MYO10: variants seen among roughly 807,000 people sequenced by gnomAD.
The protein encoded by MYO10 is unconventional myosin-X.
A neutral mutation model predicts 257.3 loss-of-function variants in MYO10; 133 were observed. The ratio of observed to expected loss-of-function variants is 0.52; its 90% confidence interval spans 0.45 to 0.60. The LOEUF is 0.60. Among genes scored for constraint, MYO10 ranks in the 20% least tolerant of loss-of-function variants. The pLI is 0.00. For synonymous variants in MYO10, 1,104 were observed against 1,028.6 expected (o/e 1.07, Z -1.40); for missense variants, 2,399 against 2,635.7 (o/e 0.91, Z 1.97).
chr5:16,804,841 G>C (rs1187056781), intron 3 of MYO10, among the ~76,000 whole-genome samples: 1 of 152,074 alleles, frequency 6.6e-6, no homozygotes, highest in African/African-American at 2.4e-5. Context: ...CCTGAGCCTG[G>C]GGAGGTCAAG....
At chr5:16,928,251 G>A (rs975744502) in intron 1 of MYO10, among the ~76,000 whole-genome samples, 5 of 151,952 alleles carry the variant, frequency 3.3e-5, no homozygotes, top group African/African-American at 1.2e-4. Context: ...TGTCACCCAG[G>A]CTGGAGTGCA....
At chr5:16,777,927 C>A (rs1741272101) in intron 9 of MYO10, among the ~76,000 whole-genome samples, 1 of 142,152 alleles carries the variant, frequency 7.0e-6, no homozygotes, top group Non-Finnish European at 1.5e-5. Context: ...CAGCTCACTG[C>A]AACCTCCGCC....
chr5:16,835,492 G>GTTTTTTT lies in MYO10; in HGVS notation c.121-17332_121-17326dup, dbSNP rs1554001242. On this transcript the variant is annotated intron_variant, in intron 2 of 40. Coordinates refer to ENST00000513610, the MANE Select transcript of MYO10 (RefSeq NM_012334.3). Reference sequence around the variant, plus strand: ...GATCACACCAAAGTCATTTTTGGCTGTTTTTTTTTTTTTTTTTTTTTTTGG... The same window carrying GTTTTTTT: ...GATCACACCAAAGTCATTTTTGGCTGTTTTTTTTTTTTTTTTTTTTTTTTTTTTTTGG... Among the ~76,000 whole-genome samples the GTTTTTTT allele has an allele frequency of 2.6e-3, 210 of 81,052 alleles. 5 individuals carry two copies. The highest frequency in any genetic ancestry group is 3.5e-3 in the South Asian group (7 of 1,986). 53.2% of individuals were successfully genotyped at this position (81,052 alleles called of 152,430 possible).
chr5:16,670,912 G>A lies in MYO10; in HGVS notation c.5497C>T (p.Leu1833=). Residue 1833 remains leucine (L), a synonymous_variant, in exon 39 of 41, where the codon CTG becomes TTG. Transcript: ENST00000513610. ...TCCCCCTGCAGATACTGGAGTCGCA[G>A]GGCAGCAAGAACCTGGAGGTTTTCT... is the stretch of plus-strand genomic sequence containing the variant. ...PEENLQVLAA[L]RLQYLQGDYT... is the part of the protein sequence containing the mutation. 6.2e-7 allele frequency: 1 copy of A among 1,613,922 alleles called. No homozygotes were observed. Among genetic ancestry groups the A allele is most frequent in the Admixed American group, 1.7e-5 (1 of 60,016 alleles).
At chr5:16,796,462 A>C (rs1484958415) in intron 3 of MYO10, among the ~76,000 whole-genome samples, 1 of 96,516 alleles carries the variant, frequency 1.0e-5, no homozygotes, top group African/African-American at 3.8e-5. Flanking sequence ...GAAAGAAAGA[A>C]AGAAAGAAAA....
rs143783313 is a variant in MYO10, at chr5:16,903,235, T to C, written c.22-25528A>G. On this transcript the variant is annotated intron_variant, in intron 1 of 40. Coordinates refer to ENST00000513610, the MANE Select transcript of MYO10 (RefSeq NM_012334.3). ...GCCTGACCAACATGGTGAAACCCTGTCTCTACTAAAAATACATAAATTAGC... is the reference window on the plus strand; with the variant it reads ...GCCTGACCAACATGGTGAAACCCTGCCTCTACTAAAAATACATAAATTAGC... Among the ~76,000 whole-genome samples, 152 of 152,322 alleles carry C rather than the reference T, an allele frequency of 1.0e-3. 2 individuals are homozygous for C. In the East Asian group the frequency reaches 0.025, roughly 25 times the overall value.
At position 16,672,845 on chromosome 5, in the gene MYO10, G is replaced by C. The variant is rs535142414; in HGVS notation, c.5173-20C>G. On this transcript the variant is annotated intron_variant, in intron 36 of 40. Coordinates refer to ENST00000513610, the MANE Select transcript of MYO10 (RefSeq NM_012334.3). ...CACCACCTGGAAGACACACCAGGGG[G>C]ACTTCAGTTCCACAGGCTGCGGCCC... The C allele has an allele frequency of 6.2e-6, 10 of 1,610,028 alleles. No individual in the cohort carries two copies. Among genetic ancestry groups the C allele is most frequent in the Middle Eastern group, 1.7e-4 (1 of 6,012 alleles).
chr5:16,833,998 T>C (rs1743234003), intron 2 of MYO10, among the ~76,000 whole-genome samples: 1 of 152,176 alleles, frequency 6.6e-6, no homozygotes, highest in Admixed American at 6.5e-5. Flanking sequence ...AATTATTTAA[T>C]GTGGTTTCTC....
At chr5:16,772,141 T>G (rs956032726) in intron 9 of MYO10, among the ~76,000 whole-genome samples, 4 of 152,052 alleles carry the variant, frequency 2.6e-5, no homozygotes, top group Non-Finnish European at 4.4e-5. Context: ...CATACTTTTT[T>G]TTTTTTTTGA....
rs1047293908 is a variant in MYO10, at chr5:16,762,747, T to A, written c.1495-110A>T. ...GGGAAGCCAAGATGGGCAGATCATTTGAGGTCAGGAGTTCCAGACCAGCCT... is the reference window on the plus strand; with the variant it reads ...GGGAAGCCAAGATGGGCAGATCATTAGAGGTCAGGAGTTCCAGACCAGCCT... On this transcript the variant is annotated intron_variant, in intron 14 of 40. Coordinates refer to ENST00000513610, the MANE Select transcript of MYO10 (RefSeq NM_012334.3). 4.4e-5 allele frequency: 33 copies of A among 742,234 alleles called. No homozygotes were observed. In the Admixed American group the frequency reaches 5.7e-4, roughly 13 times the overall value. The allele number at this position is 742,234 out of a possible 1,614,324, so 46.0% of individuals were successfully genotyped here. A position where few individuals can be genotyped will look rare whatever the true frequency, so the allele number is the denominator to read the frequency against.
chr5:16,781,923 A>G, intron 5 of MYO10, 94 bp from the exon 6 acceptor site: 3 of 1,461,604 alleles, frequency 2.1e-6, no homozygotes, highest in Non-Finnish European at 2.8e-6. Flanking sequence ...ATACAACTGC[A>G]AGAAAAATCT....
At chr5:16,732,579 C>T (rs903052397) in intron 19 of MYO10, among the ~76,000 whole-genome samples, 1 of 152,174 alleles carries the variant, frequency 6.6e-6, no homozygotes, top group Non-Finnish European at 1.5e-5. Flanking sequence ...AGCTGTCTCT[C>T]TTTGTAGATG....
intron 1 of MYO10, among the ~76,000 whole-genome samples, chr5:16,895,673 T>TCCATCCATCTCCCTCCCACC (rs1745195072): frequency 6.7e-6 from 1 of 150,092 alleles, no homozygotes; most frequent in African/African-American, 2.5e-5. Context: ...AGCATCCCCA[T>TCCATCCATCTCCCTCCCACC]CCATCCATCT....
At chr5:16,922,631 G>C (rs557576502) in intron 1 of MYO10, among the ~76,000 whole-genome samples, 1 of 152,150 alleles carries the variant, frequency 6.6e-6, no homozygotes, top group African/African-American at 2.4e-5. Context: ...CATGGTCACC[G>C]TCTTCAGGAT....
chr5:16,871,480 G>C (rs1031274750), intron 2 of MYO10, among the ~76,000 whole-genome samples: 5 of 152,126 alleles, frequency 3.3e-5, no homozygotes, highest in African/African-American at 1.2e-4. Context: ...GGTGGCATGT[G>C]CCCGTGGTCC....
intron 28 of MYO10, 65 bp from the exon 29 acceptor site, chr5:16,685,896 C>G: frequency 8.2e-7 from 1 of 1,223,024 alleles, no homozygotes; most frequent in Non-Finnish European, 1.2e-6. Context: ...CAATAGTGCC[C>G]TACTGCACGT....
intron 4 of MYO10, among the ~76,000 whole-genome samples, chr5:16,793,176 C>T (rs1300240468): frequency 1.3e-5 from 2 of 152,214 alleles, no homozygotes; most frequent in African/African-American, 4.8e-5. Context: ...GACTGACATG[C>T]ATCCCGTCTG....
At chr5:16,929,377 TG>T (rs1324320425) in intron 1 of MYO10, among the ~76,000 whole-genome samples, 1 of 152,172 alleles carries the variant, frequency 6.6e-6, no homozygotes, top group Non-Finnish European at 1.5e-5. Context: ...ATTTAATAAC[TG>T]CCCACTTTTA....
chr5:16,923,696 T>C (rs249119), intron 1 of MYO10, among the ~76,000 whole-genome samples: 34 of 142,704 alleles, frequency 2.4e-4, no homozygotes, highest in South Asian at 4.3e-4. Context: ...ACACACACAC[T>C]CCCTAACATC....
Sources: allele counts gnomAD v4.1 joint callset (sites outside exome capture counted in the v4.1 genomes callset), GRCh38; gene constraint gnomAD v4.1.1; transcripts MANE v1.5; gene names NCBI Gene and HGNC (gene_info 2026-07-23, HGNC 2026-07-21).